Variants in NCKAP1 observed in about 807,000 individuals in gnomAD.
NCKAP1 encodes nck-associated protein 1.
NCKAP1 carries 21 observed loss-of-function variants against 151.2 expected under a neutral mutation model. That is an observed-to-expected ratio of 0.14 (90% confidence interval 0.10 to 0.20). The LOEUF is 0.20. NCKAP1 is among the 10% of genes least tolerant of loss of function. NCKAP1 has a pLI of 1.00. For missense variants in NCKAP1, 933 were observed against 1,352.1 expected (o/e 0.69, Z 4.86); for synonymous variants, 484 against 451.8 (o/e 1.07, Z -0.90).
At position 182,910,120 on chromosome 2, in the gene NCKAP1, C is replaced by T. The variant is rs904685064; in HGVS notation, c.*15582G>A. The T allele has an allele frequency of 1.2e-4, 18 of 152,238 alleles. No individual in the cohort carries two copies. Among genetic ancestry groups the T allele is most frequent in the African/African-American group, 4.1e-4 (17 of 41,432 alleles). The allele number at this position is 152,238 out of a possible 1,614,324, so 9.4% of individuals were successfully genotyped here. ...GTGGTAGCTGGCTCTTTAACTGGTTCAGACTCTACTATCTTGGAGGACTGC... is the reference window on the plus strand; with the variant it reads ...GTGGTAGCTGGCTCTTTAACTGGTTTAGACTCTACTATCTTGGAGGACTGC... On this transcript the variant is annotated 3_prime_UTR_variant, in exon 31 of 31. Transcript: ENST00000361354.
chr2:183,020,097 A>C (rs551558727), intron 2 of NCKAP1, among the ~76,000 whole-genome samples: 57 of 152,292 alleles, frequency 3.7e-4, no homozygotes, highest in African/African-American at 1.3e-3. Flanking sequence ...AACAAAATAA[A>C]AAATCAACAA....
rs1696616457 is a variant in NCKAP1 at position 182,925,163 on chromosome 2, GTTCT to G, written c.*535_*538del. On this transcript the variant is annotated 3_prime_UTR_variant, in exon 31 of 31. Transcript: ENST00000361354. ...AATGATCTGCTTCTAATACTAAGCA[GTTCT>G]TTAACATTTTTAAATGTTATACAGT... 6.6e-6 allele frequency: 1 copy of G among 152,090 alleles called. No homozygotes were observed. The allele number at this position is 152,090 out of a possible 1,614,324, so 9.4% of individuals were successfully genotyped here.
At chr2:183,036,094 T>A (rs1197922978) in intron 1 of NCKAP1, among the ~76,000 whole-genome samples, 1 of 152,076 alleles carries the variant, frequency 6.6e-6, no homozygotes, top group Non-Finnish European at 1.5e-5. Flanking sequence ...AGTTCAATAA[T>A]ACAAGAGGCT....
rs1265212527 is a variant in NCKAP1 at position 182,983,297 on chromosome 2, G to A, written c.1090C>T (p.Leu364=). The A allele has an allele frequency of 6.2e-7, 1 of 1,605,390 alleles. No homozygotes were observed. The highest frequency in any genetic ancestry group is 8.5e-7 in the Non-Finnish European group (1 of 1,173,004). The change falls in exon 11 of 31, where the codon CTA becomes TTA. Residue 364 remains leucine, a synonymous_variant. Coordinates refer to ENST00000361354, the MANE Select transcript of NCKAP1 (RefSeq NM_013436.5). The part of the protein sequence containing the change: ...ATVLSDQPGL[L]GPKALFVFMA... ...ATTAAATGAATTACCTTGGGACCTA[G>A]CAATCCAGGTTGATCAGAGAGGACA...
chr2:182,910,395 G>A lies in NCKAP1; in HGVS notation c.*15307C>T, dbSNP rs1359509109. The A allele has an allele frequency of 6.6e-6, 1 of 152,218 alleles. No individual in the cohort carries two copies. The highest frequency in any genetic ancestry group is 1.5e-5 in the Non-Finnish European group (1 of 68,048). The allele number at this position is 152,218 out of a possible 1,614,324, so 9.4% of individuals were successfully genotyped here. On this transcript the variant is annotated 3_prime_UTR_variant, in exon 31 of 31. Coordinates refer to ENST00000361354, the MANE Select transcript of NCKAP1 (RefSeq NM_013436.5). The stretch of plus-strand genomic sequence containing the variant: ...GCTTGGAGGTCTGAGTACACATGTG[G>A]GGAAAACAGTGATTATAAATTGGGC...
intron 18 of NCKAP1, among the ~76,000 whole-genome samples, chr2:182,958,047 G>C (rs1220748274): frequency 6.6e-6 from 1 of 152,212 alleles, no homozygotes; most frequent in Non-Finnish European, 1.5e-5. Context: ...CAACTATTAG[G>C]AAGGGCCTTG....
Position 182,909,439 on chromosome 2 carries a change from T to C in NCKAP1, c.*16263A>G, listed in dbSNP as rs1696354424. On this transcript the variant is annotated 3_prime_UTR_variant, in exon 31 of 31. Coordinates refer to ENST00000361354, the MANE Select transcript of NCKAP1 (RefSeq NM_013436.5). ...TTTTAGGTACCTAATATAAGAGGAA[T>C]TATACAATATCTGTTCTTTTGTGGC... The C allele has an allele frequency of 6.6e-6, 1 of 152,234 alleles. No individual in the cohort carries two copies. The allele number at this position is 152,234 out of a possible 1,614,324, so 9.4% of individuals were successfully genotyped here. A position where few individuals can be genotyped will look rare whatever the true frequency, so the allele number is the denominator to read the frequency against.
In NCKAP1 at chr2:182,980,771, A is replaced by G. The variant is rs116982834; in HGVS notation, c.1341+473T>C. ...AATTACCAATTATATTGTCTCTATC[A>G]TCTCTTCTGAATCTCCATAGCTACT... On this transcript the variant is annotated intron_variant, in intron 13 of 30. Transcript: ENST00000361354. 2.6e-4 allele frequency among the ~76,000 whole-genome samples: 39 copies of G among 152,060 alleles called. No homozygotes were observed. The East Asian group carries it at 7.1e-3, about 28-fold the overall frequency.
At chr2:182,936,843 T>C (rs1334693616) in intron 24 of NCKAP1, among the ~76,000 whole-genome samples, 1 of 152,054 alleles carries the variant, frequency 6.6e-6, no homozygotes, top group Non-Finnish European at 1.5e-5. Context: ...AGATATTCAA[T>C]TAAATGGTAA....
rs935925448 is a variant in NCKAP1, at chr2:182,918,668, CT to C, written c.*7033del. The C allele has an allele frequency of 1.3e-5, 2 of 152,122 alleles. No homozygotes were observed. Among genetic ancestry groups the C allele is most frequent in the African/African-American group, 4.8e-5 (2 of 41,414 alleles). 9.4% of individuals were successfully genotyped at this position (152,122 alleles called of 1,614,324 possible). A position where few individuals can be genotyped will look rare whatever the true frequency, so the allele number is the denominator to read the frequency against. Reference sequence around the variant, plus strand: ...AAGGCATACAGAGTGATATCATGGACTTTGGAGACTCAGAAGTGGGAGGATG... The same window carrying C: ...AAGGCATACAGAGTGATATCATGGACTTGGAGACTCAGAAGTGGGAGGATG... On this transcript the variant is annotated 3_prime_UTR_variant, in exon 31 of 31. Transcript: ENST00000361354.
rs866656983 is a variant in NCKAP1 at position 183,026,506 on chromosome 2, T to A, written c.109-2590A>T. On this transcript the variant is annotated intron_variant, in intron 1 of 30. Coordinates refer to ENST00000361354, the MANE Select transcript of NCKAP1 (RefSeq NM_013436.5). Reference sequence around the variant, plus strand: ...AAAAACTAAAAAAAAAAAAAAAAAATTCAGAAAAAAATAAAGGACTATATA... The same window carrying A: ...AAAAACTAAAAAAAAAAAAAAAAAAATCAGAAAAAAATAAAGGACTATATA... Among the ~76,000 whole-genome samples, 47 of 149,840 alleles carry A rather than the reference T, an allele frequency of 3.1e-4. No individual in the cohort carries two copies. In the South Asian group the frequency reaches 3.2e-3, roughly 10 times the overall value.
chr2:183,026,406 T>C (rs900468320), intron 1 of NCKAP1, among the ~76,000 whole-genome samples: 25 of 151,314 alleles, frequency 1.7e-4, no homozygotes, highest in African/African-American at 5.8e-4. Flanking sequence ...GATCAGGAAT[T>C]CAAGGCTACA....
intron 2 of NCKAP1, among the ~76,000 whole-genome samples, chr2:183,010,403 G>T (rs771607934): frequency 4.6e-5 from 7 of 152,164 alleles, no homozygotes; most frequent in Non-Finnish European, 7.3e-5. Flanking sequence ...CCATCCCCCA[G>T]AATGCACCAG....
At chr2:182,930,255 T>C (rs2105799701) in intron 27 of NCKAP1, among the ~76,000 whole-genome samples, 1 of 152,186 alleles carries the variant, frequency 6.6e-6, no homozygotes, top group South Asian at 2.1e-4. Context: ...TCACTGACAC[T>C]GATCTTGTTA....
chr2:183,037,738 A>G (rs1699131491), intron 1 of NCKAP1, among the ~76,000 whole-genome samples: 1 of 151,728 alleles, frequency 6.6e-6, no homozygotes, highest in Non-Finnish European at 1.5e-5. Context: ...TGCGAGGCCC[A>G]GCGCCCGATC....
intron 2 of NCKAP1, among the ~76,000 whole-genome samples, chr2:183,021,995 C>T (rs1698805846): frequency 6.6e-6 from 1 of 151,906 alleles, no homozygotes; most frequent in Non-Finnish European, 1.5e-5. Context: ...TTTTGTGCTT[C>T]AAAAGTTAGA....
intron 7 of NCKAP1, 118 bp downstream of exon 7, chr2:182,995,583 A>G: frequency 1.1e-6 from 1 of 942,280 alleles, no homozygotes; most frequent in Non-Finnish European, 1.5e-6. Flanking sequence ...AACATTTTAT[A>G]ATGAACTTCA....
At chr2:182,993,321 G>A (rs931130477) in intron 8 of NCKAP1, among the ~76,000 whole-genome samples, 2 of 152,066 alleles carry the variant, frequency 1.3e-5, no homozygotes, top group African/African-American at 2.4e-5. Flanking sequence ...TTAATTGGCT[G>A]TTGACTGAAT....
intron 20 of NCKAP1, 118 bp downstream of exon 20, chr2:182,956,344 T>A (rs1253615343): frequency 7.5e-7 from 1 of 1,327,818 alleles, no homozygotes; most frequent in East Asian, 2.5e-5. Flanking sequence ...CCGGCCCGGT[T>A]CATTATTCTT....
Sources: gnomAD v4.1 joint callset for allele counts (sites outside exome capture counted in the v4.1 genomes callset) on GRCh38, gnomAD v4.1.1 for gene constraint, MANE v1.5 for transcripts, NCBI Gene and HGNC (gene_info 2026-07-23, HGNC 2026-07-21) for gene names.